MAP1B: variants seen among roughly 807,000 people sequenced by gnomAD.
MAP1B encodes microtubule-associated protein 1B.
In MAP1B, 12 loss-of-function variants were observed where a neutral mutation model predicts 176.1. That is an observed-to-expected ratio of 0.07 (90% CI 0.04 to 0.11). The LOEUF is 0.11. Ranked by LOEUF, MAP1B falls within the 10% of genes least tolerant of loss-of-function variation. The pLI is 1.00. For missense variants in MAP1B, 2,523 were observed against 2,990.5 expected (o/e 0.84, Z 3.65); for synonymous variants, 1,044 against 1,135.0 (o/e 0.92, Z 1.61).
rs776053012 is a variant in MAP1B, at chr5:72,115,683, T to C, written c.185-15T>C. The C allele has an allele frequency of 3.5e-5, 51 of 1,473,400 alleles. No homozygotes were observed. Among genetic ancestry groups the C allele is most frequent in the Non-Finnish European group, 4.3e-5 (45 of 1,051,896 alleles). The allele number at this position is 1,473,400 out of a possible 1,614,324, so 91.3% of individuals were successfully genotyped here. A position where few individuals can be genotyped will look rare whatever the true frequency, so the allele number is the denominator to read the frequency against. On this transcript the variant is annotated splice_polypyrimidine_tract_variant and intron_variant, in intron 1 of 6. Coordinates refer to ENST00000296755, the MANE Select transcript of MAP1B (RefSeq NM_005909.5). ...TAACTGGAAGTCTCTCAACTGTCTT[T>C]CTTTCCCTCCCTAGGAATCCGATCA...
Position 72,115,772 on chromosome 5 carries a change from T to C in MAP1B, c.259T>C (p.Ser87Pro). The C allele has an allele frequency of 6.2e-7, 1 of 1,613,610 alleles. No homozygotes were observed. Among genetic ancestry groups the C allele is most frequent in the Non-Finnish European group, 8.5e-7 (1 of 1,179,542 alleles). ...QELKLFVSRH[S>P]ARFSPEVPGQ... ...ACTCAAACTTTTTGTATCTCGACAC[T>C]CTGCAAGATTCTCTCCTGAAGTCCC... Residue 87 changes from serine (S) to proline (P), a missense_variant, in exon 2 of 7, where the codon TCT (serine) becomes CCT (proline). Ser to Pro is a moderately conservative substitution (Grantham distance 74). Coordinates refer to ENST00000296755, the MANE Select transcript of MAP1B (RefSeq NM_005909.5).
rs990034772 is a variant in MAP1B at position 72,145,769 on chromosome 5, C to T, written c.286+29970C>T. ...CACTAGTTAATTATGATATGCCCAG[C>T]GGTCACTTGGAGGTTCTTGCTCTAG... On this transcript the variant is annotated intron_variant, in intron 2 of 6. Transcript: ENST00000296755. Among the ~76,000 whole-genome samples, 4 of 152,178 alleles carry T rather than the reference C, an allele frequency of 2.6e-5. No homozygotes were observed. The South Asian group carries it at 6.2e-4, about 24-fold the overall frequency.
chr5:72,160,763 C>T (rs1044464666), intron 2 of MAP1B, among the ~76,000 whole-genome samples: 2 of 152,202 alleles, frequency 1.3e-5, no homozygotes, highest in East Asian at 1.9e-4. Context: ...CCCTCTCCAC[C>T]TCAGGGACCA....
intron 2 of MAP1B, among the ~76,000 whole-genome samples, chr5:72,136,235 A>G (rs1329361243): frequency 1.3e-5 from 2 of 152,094 alleles, no homozygotes; most frequent in African/African-American, 4.8e-5. Flanking sequence ...CATTTCCTCT[A>G]TTCCCACCCC....
At chr5:72,137,360 T>A (rs1273084912) in intron 2 of MAP1B, among the ~76,000 whole-genome samples, 2 of 152,200 alleles carry the variant, frequency 1.3e-5, no homozygotes, top group African/African-American at 4.8e-5. Context: ...TGATAGGCAA[T>A]AAATATGTTC....
At chr5:72,172,084 G>A (rs923183920) in intron 2 of MAP1B, among the ~76,000 whole-genome samples, 2 of 152,194 alleles carry the variant, frequency 1.3e-5, no homozygotes, top group Non-Finnish European at 2.9e-5. Flanking sequence ...TATTCATCCT[G>A]GCTGGGGTGC....
At chr5:72,183,707 A>C in intron 2 of MAP1B, 36 bp from the exon 3 acceptor site, 1 of 1,560,860 alleles carries the variant, frequency 6.4e-7, no homozygotes, top group Non-Finnish European at 8.8e-7. Flanking sequence ...GAAAAGCTAA[A>C]GGTCTCCTCT....
intron 4 of MAP1B, among the ~76,000 whole-genome samples, chr5:72,190,083 C>G (rs1011810775): frequency 2.0e-5 from 3 of 151,842 alleles, no homozygotes; most frequent in Non-Finnish European, 4.4e-5. Flanking sequence ...AACTGGACAC[C>G]CTATTCAGGA....
At chr5:72,201,715 T>A (rs1017778963) in intron 5 of MAP1B, among the ~76,000 whole-genome samples, 37 of 152,248 alleles carry the variant, frequency 2.4e-4, no homozygotes, top group African/African-American at 8.4e-4. Flanking sequence ...GATAGAGTAA[T>A]CTTTGGAGCT....
In MAP1B at chr5:72,195,359, T is replaced by C; in HGVS notation, c.2004T>C (p.Pro668=). The stretch of plus-strand genomic sequence containing the variant: ...TGGCTAAAAAGGAGGACAAAACACC[T>C]ATCAAGAAGGAGGAAAAACCAAAAA... ...KEVAKKEDKT[P]IKKEEKPKKE... The change falls in exon 5 of 7, where the codon CCT becomes CCC. Residue 668 remains proline, a synonymous_variant. Transcript: ENST00000296755. 6.3e-7 allele frequency: 1 copy of C among 1,581,088 alleles called. No individual in the cohort carries two copies. Among genetic ancestry groups the C allele is most frequent in the Non-Finnish European group, 8.6e-7 (1 of 1,168,288 alleles).
chr5:72,201,934 T>C (rs2111898288), intron 5 of MAP1B, among the ~76,000 whole-genome samples: 1 of 152,344 alleles, frequency 6.6e-6, no homozygotes, highest in Non-Finnish European at 1.5e-5. Flanking sequence ...ACAACTGACC[T>C]GCACTTAGGA....
chr5:72,140,757 T>C (rs1330026912), intron 2 of MAP1B, among the ~76,000 whole-genome samples: 2 of 152,174 alleles, frequency 1.3e-5, no homozygotes, highest in Non-Finnish European at 2.9e-5. Context: ...CTATTACACC[T>C]ATGCAGATGA....
Position 72,119,267 on chromosome 5 carries a change from C to T in MAP1B, c.286+3468C>T, listed in dbSNP as rs537537514. ...CTTATCTTACTATTATTTTGCCTTA[C>T]TATTGCAGCCTTGCCTTGCCTAAAG... On this transcript the variant is annotated intron_variant, in intron 2 of 6. Transcript: ENST00000296755. 5.3e-5 allele frequency among the ~76,000 whole-genome samples: 8 copies of T among 152,300 alleles called. No individual in the cohort carries two copies. The East Asian group carries it at 1.5e-3, about 29-fold the overall frequency.
At position 72,186,739 on chromosome 5, in the gene MAP1B, T is replaced by A; in HGVS notation, c.495T>A (p.Ile165=). The A allele has an allele frequency of 6.2e-7, 1 of 1,614,140 alleles. No individual in the cohort carries two copies. The highest frequency in any genetic ancestry group is 8.5e-7 in the Non-Finnish European group (1 of 1,180,026). The part of the protein sequence containing the change: ...GSFSFQNFIE[I]FTDQEIGELL... ...TCTCCTTCCAGAACTTCATAGAGAT[T>A]TTCACCGATCAAGAGGTAGGTTCGT... Residue 165 remains isoleucine (I), a synonymous_variant, in exon 4 of 7, where the codon ATT becomes ATA. Coordinates refer to ENST00000296755, the MANE Select transcript of MAP1B (RefSeq NM_005909.5). The surrounding 1 kb of genome is among the most constrained non-coding windows in gnomAD (Gnocchi z 4.3).
At chr5:72,109,686 A>C (rs1379388959) in intron 1 of MAP1B, among the ~76,000 whole-genome samples, 1 of 152,238 alleles carries the variant, frequency 6.6e-6, no homozygotes, top group Non-Finnish European at 1.5e-5. Context: ...CATAAGTGAC[A>C]GAAGTACCAG....
intron 2 of MAP1B, among the ~76,000 whole-genome samples, chr5:72,121,478 T>C (rs1435148106): frequency 6.6e-6 from 1 of 152,234 alleles, no homozygotes; most frequent in Non-Finnish European, 1.5e-5. Context: ...CGATGCCTTT[T>C]TCCTAGAAGA....
At chr5:72,179,250 C>G (rs749728657) in intron 2 of MAP1B, among the ~76,000 whole-genome samples, 2 of 152,158 alleles carry the variant, frequency 1.3e-5, no homozygotes, top group Admixed American at 6.5e-5. Flanking sequence ...CATTCCAGGT[C>G]GAGCCCCCGC....
rs1382292533 is a variant in MAP1B, at chr5:72,199,817, C to T, written c.6462C>T (p.Ala2154=). 1 of 1,614,144 alleles carries T rather than the reference C, an allele frequency of 6.2e-7. No homozygotes were observed. Among genetic ancestry groups the T allele is most frequent in the South Asian group, 1.1e-5 (1 of 91,068 alleles). ...CTCCCACCTCAGTCAGCGAGTCAGC[C>T]CCATCCCAGACCGACTCTGATGTTC... ...ETPPTSVSES[A]PSQTDSDVPP... The change falls in exon 5 of 7, where the codon GCC becomes GCT. Residue 2154 remains alanine (A), a synonymous_variant. Coordinates refer to ENST00000296755, the MANE Select transcript of MAP1B (RefSeq NM_005909.5). This position sits in a 1 kb window ranked among gnomAD's most constrained non-coding sequence, Gnocchi z 4.2.
intron 2 of MAP1B, chr5:72,116,542 CTG>C: frequency 3.0e-6 from 1 of 338,474 alleles, no homozygotes. Context: ...GCCTCTGGCG[CTG>C]GAGATGTATT....
Sources: allele counts gnomAD v4.1 joint callset (sites outside exome capture counted in the v4.1 genomes callset), GRCh38; gene constraint gnomAD v4.1.1; non-coding constraint Gnocchi (gnomAD v3.1); transcripts MANE v1.5; gene names NCBI Gene and HGNC (gene_info 2026-07-23, HGNC 2026-07-21).